SNX8: variants seen among roughly 807,000 people sequenced by gnomAD.
SNX8 encodes sorting nexin-8.
SNX8 carries 25 observed loss-of-function variants against 51.6 expected under a neutral mutation model. The observed-to-expected ratio is 0.48, with a 90% CI of 0.35 to 0.68. The LOEUF is 0.68. Ranked by LOEUF, SNX8 falls within the 30% of genes least tolerant of loss-of-function variation. The pLI is 0.00. For synonymous variants in SNX8, 324 were observed against 277.0 expected, an observed-to-expected ratio of 1.17 and a Z score of -1.68; for missense variants, 695 against 624.0, an observed-to-expected ratio of 1.11 and a Z score of -1.21.
chr7:2,327,736 G>GT (rs1437089187), intron 1 of SNX8, among the ~76,000 whole-genome samples: 1 of 151,004 alleles, frequency 6.6e-6, no homozygotes, highest in African/African-American at 2.4e-5. Flanking sequence ...TAGAGACGGG[G>GT]TTTCACCGTG....
At chr7:2,346,622 T>C (rs1184790602) in intron 1 of SNX8, among the ~76,000 whole-genome samples, 1 of 150,328 alleles carries the variant, frequency 6.7e-6, no homozygotes, top group Non-Finnish European at 1.5e-5. Flanking sequence ...GGTGGGCACC[T>C]GTAGTCCCAG....
At chr7:2,319,733 C>T (rs988809809) in intron 1 of SNX8, among the ~76,000 whole-genome samples, 4 of 146,768 alleles carry the variant, frequency 2.7e-5, no homozygotes, top group East Asian at 2.0e-4. Context: ...GAGAATGGTG[C>T]GAACCTGGGA....
chr7:2,338,540 A>G (rs948966410), intron 1 of SNX8, among the ~76,000 whole-genome samples: 15 of 152,018 alleles, frequency 9.9e-5, no homozygotes, highest in African/African-American at 3.4e-4. Context: ...AGACTGAGGC[A>G]TAAGAATTGC....
intron 1 of SNX8, among the ~76,000 whole-genome samples, chr7:2,340,650 A>T (rs1778904241): frequency 6.6e-6 from 1 of 151,188 alleles, no homozygotes; most frequent in African/African-American, 2.4e-5. Context: ...TGAGGTCAGG[A>T]GTTCAAGACC....
intron 3 of SNX8, among the ~76,000 whole-genome samples, chr7:2,274,595 G>A (rs1795730766): frequency 6.6e-6 from 1 of 152,226 alleles, no homozygotes; most frequent in Non-Finnish European, 1.5e-5. Context: ...AGAGGTGAAG[G>A]TGAGGCAGCC....
chr7:2,264,113 G>T (rs375715262), intron 6 of SNX8, among the ~76,000 whole-genome samples, 185 bp downstream of exon 6: 1 of 152,060 alleles, frequency 6.6e-6, no homozygotes, highest in Non-Finnish European at 1.5e-5. Context: ...TTTCAGGGCC[G>T]AAATTCTCCC....
At chr7:2,341,102 T>A (rs1054735109) in intron 1 of SNX8, among the ~76,000 whole-genome samples, 2 of 148,424 alleles carry the variant, frequency 1.3e-5, no homozygotes, top group Non-Finnish European at 3.0e-5. Flanking sequence ...CCCAAGTGGT[T>A]GGGGCTGCAA....
intron 1 of SNX8, among the ~76,000 whole-genome samples, chr7:2,280,521 G>A (rs1457174514): frequency 1.3e-5 from 2 of 151,798 alleles, no homozygotes; most frequent in South Asian, 2.1e-4. Context: ...TATTAAGCAT[G>A]TATTAATTTT....
chr7:2,267,375 C>G (rs376358705), intron 5 of SNX8, among the ~76,000 whole-genome samples: 2 of 139,324 alleles, frequency 1.4e-5, no homozygotes, highest in African/African-American at 2.6e-5. Context: ...CATGCGGAGC[C>G]GAAGCTGGAC....
intron 1 of SNX8, among the ~76,000 whole-genome samples, chr7:2,327,759 G>C (rs1434532787): frequency 1.3e-5 from 2 of 151,822 alleles, no homozygotes; most frequent in East Asian, 1.9e-4. Context: ...AGCCAGGATG[G>C]TCTCTATCTC....
chr7:2,349,548 G>A (rs1487314852), intron 1 of SNX8, among the ~76,000 whole-genome samples: 1 of 149,948 alleles, frequency 6.7e-6, no homozygotes, highest in East Asian at 2.0e-4. Flanking sequence ...ATGTTCAAGC[G>A]ATTCTCCTGC....
chr7:2,328,679 C>T (rs142371165), intron 1 of SNX8, among the ~76,000 whole-genome samples: 1,949 of 151,810 alleles, frequency 0.013, 70 homozygotes, highest in Middle Eastern at 0.017. Context: ...ACGCTGGGCA[C>T]GGTGGCTCAC....
intron 1 of SNX8, among the ~76,000 whole-genome samples, chr7:2,296,713 C>T (rs1374686641): frequency 6.6e-6 from 1 of 151,184 alleles, no homozygotes; most frequent in East Asian, 1.9e-4. Flanking sequence ...GGTGGATCAC[C>T]TGAGGTCAGG....
At chr7:2,276,143 C>T (rs1441888837) in intron 2 of SNX8, among the ~76,000 whole-genome samples, 3 of 152,168 alleles carry the variant, frequency 2.0e-5, no homozygotes, top group South Asian at 2.1e-4. Flanking sequence ...ACTTAAGGGA[C>T]GGGCAGCTTA....
At chr7:2,314,186 G>A in intron 1 of SNX8, 142 bp downstream of exon 1, 3 of 899,494 alleles carry the variant, frequency 3.3e-6, no homozygotes, top group Admixed American at 9.0e-5. Context: ...GACCTCCGAG[G>A]GACTGGGGCG....
At chr7:2,320,293 T>A (rs930395829) in intron 1 of SNX8, among the ~76,000 whole-genome samples, 2 of 151,828 alleles carry the variant, frequency 1.3e-5, no homozygotes, top group Non-Finnish European at 2.9e-5. Context: ...AGGCGGAGGT[T>A]GTGGGGGAGG....
intron 1 of SNX8, among the ~76,000 whole-genome samples, chr7:2,342,680 C>T (rs927445262): frequency 6.6e-6 from 1 of 150,818 alleles, no homozygotes; most frequent in Non-Finnish European, 1.5e-5. Context: ...GATAGAATTA[C>T]AGTGCATGAC....
intron 1 of SNX8, among the ~76,000 whole-genome samples, chr7:2,292,506 G>A (rs910271052): frequency 2.6e-5 from 4 of 151,572 alleles, no homozygotes; most frequent in Non-Finnish European, 5.9e-5. Flanking sequence ...CCGCCTCCCA[G>A]GTTCACGCCA....
At chr7:2,293,930 C>CAACCAGTGCA (rs1285873649) in intron 1 of SNX8, among the ~76,000 whole-genome samples, 1 of 151,376 alleles carries the variant, frequency 6.6e-6, no homozygotes, top group Non-Finnish European at 1.5e-5. Context: ...CACACCAGTG[C>CAACCAGTGCA]ACTCCAGCCT....
Sources: allele counts gnomAD v4.1 joint callset (sites outside exome capture counted in the v4.1 genomes callset), GRCh38; gene constraint gnomAD v4.1.1; transcripts MANE v1.5; gene names NCBI Gene and HGNC (gene_info 2026-07-23, HGNC 2026-07-21).